DPF1: variants seen among roughly 807,000 people sequenced by gnomAD.
DPF1 encodes double PHD fingers 1.
A neutral mutation model predicts 58.7 loss-of-function variants in DPF1; 14 were observed. The ratio of observed to expected loss-of-function variants is 0.24; its 90% confidence interval spans 0.16 to 0.37. DPF1 has a LOEUF of 0.37. Ranked by LOEUF, DPF1 falls within the 10% of genes least tolerant of loss-of-function variation. The pLI, the probability that DPF1 is intolerant of heterozygous loss-of-function variation, is 1.00. For synonymous variants in DPF1, 216 were observed against 216.0 expected, an observed-to-expected ratio of 1.00 and a Z score of 0.00; for missense variants, 345 against 529.9, an observed-to-expected ratio of 0.65 and a Z score of 3.43.
At chr19:38,213,975 A>G (rs1973659461) in intron 9 of DPF1, 2 of 546,970 alleles carry the variant, frequency 3.7e-6, no homozygotes, top group Non-Finnish European at 6.6e-6. Flanking sequence ...TGGCAACCAC[A>G]CTCTGCTCCC....
At chr19:38,217,709 C>A in intron 6 of DPF1, 89 bp downstream of exon 6, 2 of 1,587,344 alleles carry the variant, frequency 1.3e-6, no homozygotes, top group Non-Finnish European at 1.7e-6. Context: ...CCTCCCAACC[C>A]GGGTCTGGAA....
chr19:38,217,758 A>C (rs2304175), intron 6 of DPF1, 40 bp downstream of exon 6: 1,110,080 of 1,611,148 alleles, frequency 0.69, 387,202 homozygotes, highest in African/African-American at 0.93. Context: ...GTCTCTGGGC[A>C]CCCCTCTCTC....
intron 3 of DPF1, 66 bp from the exon 4 acceptor site, chr19:38,219,124 A>T: frequency 6.3e-7 from 1 of 1,591,310 alleles, no homozygotes; most frequent in Non-Finnish European, 8.5e-7. Context: ...CAAACTATGC[A>T]GGTGGGGGGA....
At position 38,222,817 on chromosome 19, in the gene DPF1, C is replaced by T. The variant is rs1967604736; in HGVS notation, c.30-109G>A. The T allele has an allele frequency of 2.2e-6, 3 of 1,374,038 alleles. No homozygotes were observed. Among genetic ancestry groups the T allele is most frequent in the African/African-American group, 1.5e-5 (1 of 65,458 alleles). 85.1% of individuals were successfully genotyped at this position (1,374,038 alleles called of 1,614,324 possible). ...CCGCCCAGGCTCGGGAGGGGTGGGC[C>T]GACCCCTCCAGCCTCACCTCTCCCC... On this transcript the variant is annotated intron_variant, in intron 1 of 11. Coordinates refer to ENST00000355526, the MANE Select transcript of DPF1 (RefSeq NM_001135155.3). The surrounding 1 kb of genome is among the most constrained non-coding windows in gnomAD (Gnocchi z 4.9).
intron 7 of DPF1, 129 bp downstream of exon 7, chr19:38,217,331 G>A (rs994109418): frequency 3.1e-6 from 4 of 1,280,358 alleles, no homozygotes; most frequent in Admixed American, 2.5e-5. Flanking sequence ...CATGGTCGGT[G>A]GGGGGAGGGA....
Position 38,218,866 on chromosome 19 carries a change from C to T in DPF1, c.426+65G>A, listed in dbSNP as rs371386859. On this transcript the variant is annotated intron_variant, in intron 4 of 11. Transcript: ENST00000355526. ...GTTTCAGAGCAGGAACGTGAGGGCC[C>T]GGGCTGGTGGCAGGCAGGGGTGAGA... The T allele has an allele frequency of 6.3e-5, 101 of 1,599,582 alleles. No individual in the cohort carries two copies. The East Asian group carries it at 1.0e-3, about 16-fold the overall frequency.
At chr19:38,226,067 G>A (rs1228271684), upstream of DPF1, among the ~76,000 whole-genome samples, 2 of 152,014 alleles carry the variant, frequency 1.3e-5, no homozygotes, top group Non-Finnish European at 2.9e-5. Context: ...CTCTTTGAAG[G>A]TAAGACTGAA....
intron 7 of DPF1, 51 bp from the exon 8 acceptor site, chr19:38,216,454 C>T (rs1379648324): frequency 1.3e-5 from 20 of 1,518,186 alleles, no homozygotes; most frequent in Non-Finnish European, 1.7e-5. Flanking sequence ...CAAGGCTCCA[C>T]CCTGCCCCCA....
Position 38,218,931 on chromosome 19 carries a change from C to A in DPF1, c.426G>T (p.Gln142His). 1.2e-6 allele frequency: 2 copies of A among 1,614,066 alleles called. No homozygotes were observed. The highest frequency in any genetic ancestry group is 1.7e-6 in the Non-Finnish European group (2 of 1,179,988). ...GGGGGTCCCCCAGAGGTGGGCCCAC[C>A]TGACAGTCCATAATGGTCTCCTCCT... ...LKEEETIMDCQKQQLLEFPHD... is the reference protein window; with the variant it reads ...LKEEETIMDCHKQQLLEFPHD... Residue 142 changes from glutamine (Q) to histidine (H), a missense_variant and splice_region_variant, in exon 4 of 12, where the codon CAG (glutamine) becomes CAT (histidine). Gln to His is a conservative substitution (Grantham distance 24). Coordinates refer to ENST00000355526, the MANE Select transcript of DPF1 (RefSeq NM_001135155.3).
chr19:38,212,774 CTTTTT>C (rs11367248), intron 10 of DPF1, among the ~76,000 whole-genome samples: 3 of 81,694 alleles, frequency 3.7e-5, no homozygotes, highest in African/African-American at 6.3e-5. Flanking sequence ...CCATGCACGA[CTTTTT>C]TTTTTTTTTT....
upstream of DPF1, among the ~76,000 whole-genome samples, chr19:38,226,493 C>A (rs559207995): frequency 9.1e-4 from 124 of 135,838 alleles, 2 homozygotes; most frequent in Non-Finnish European, 3.8e-4. Context: ...CCTACACTCA[C>A]GGTCACTTCT....
chr19:38,229,476 C>G lies in DPF1; in HGVS notation c.-132+83G>C, dbSNP rs1336572405. 1 of 838,514 alleles carries G rather than the reference C, an allele frequency of 1.2e-6. No individual in the cohort carries two copies. The highest frequency in any genetic ancestry group is 1.8e-5 in the African/African-American group (1 of 55,126). The allele number at this position is 838,514 out of a possible 1,614,324, so 51.9% of individuals were successfully genotyped here. ...CAACTACGGTCCGCGCGCTGCGTCC[C>G]CCTCCTCAGCCCCAGGGCGGGCGGG... On this transcript the variant is annotated intron_variant, in intron 1 of 11. Transcript: ENST00000412732. This position sits in a 1 kb window ranked among gnomAD's most constrained non-coding sequence, Gnocchi z 5.3.
chr19:38,218,840 G>T (rs1967231947), intron 4 of DPF1, 91 bp downstream of exon 4: 1 of 1,578,130 alleles, frequency 6.3e-7, no homozygotes, highest in Non-Finnish European at 8.6e-7. Flanking sequence ...AAACCGGGGG[G>T]GTTTCAGAGC....
rs10421241 is a variant in DPF1 at position 38,218,512 on chromosome 19, G to C, written c.516+61C>G. ...GTGGCAGGGGCGGACCACTGCACCTGCTCCATGAATGAGACCTGTCATTGA... is the reference window on the plus strand; with the variant it reads ...GTGGCAGGGGCGGACCACTGCACCTCCTCCATGAATGAGACCTGTCATTGA... On this transcript the variant is annotated intron_variant, in intron 5 of 11. Transcript: ENST00000355526. 3,926 of 1,559,664 alleles carry C rather than the reference G, an allele frequency of 2.5e-3. 82 individuals carry two copies. In the African/African-American group the frequency reaches 0.046, roughly 18 times the overall value.
Position 38,222,432 on chromosome 19 carries a change from C to A in DPF1, c.223G>T (p.Ala75Ser). The A allele has an allele frequency of 6.3e-7, 1 of 1,585,880 alleles. No homozygotes were observed. Among genetic ancestry groups the A allele is most frequent in the Non-Finnish European group, 8.5e-7 (1 of 1,172,284 alleles). Residue 75 changes from alanine to serine, a missense_variant, in exon 3 of 12, where the codon GCC (alanine) becomes TCC (serine). By Grantham distance (99) the Ala-to-Ser change is moderately conservative (BLOSUM62 1). Coordinates refer to ENST00000355526, the MANE Select transcript of DPF1 (RefSeq NM_001135155.3). This position sits in a 1 kb window ranked among gnomAD's most constrained non-coding sequence, Gnocchi z 4.9. Reference protein sequence around the residue: ...LAPGQIYTYPARCWRKKRRLN... With the variant: ...LAPGQIYTYPSRCWRKKRRLN... The stretch of plus-strand genomic sequence containing the variant: ...CTCCGTTTCTTCCTCCAACAGCGGG[C>A]GGGGTACGTGTAAATCTGTCCCGGG...
chr19:38,222,348 T>C lies in DPF1; in HGVS notation c.298+9A>G. On this transcript the variant is annotated intron_variant, in intron 3 of 11. Transcript: ENST00000355526. The surrounding 1 kb of genome is among the most constrained non-coding windows in gnomAD (Gnocchi z 4.9). The stretch of plus-strand genomic sequence containing the variant: ...GGACACCGATGGGGGCCCCAGCGGC[T>C]GCACCCACCGATCTTGTACTCGCAG... The C allele has an allele frequency of 6.3e-7, 1 of 1,588,864 alleles. No individual in the cohort carries two copies.
chr19:38,217,643 G>A lies in DPF1; in HGVS notation c.596-52C>T, dbSNP rs139810469. The A allele has an allele frequency of 1.1e-4, 173 of 1,527,666 alleles. 6 individuals carry two copies. The South Asian group carries it at 1.7e-3, about 15-fold the overall frequency. The allele number at this position is 1,527,666 out of a possible 1,614,324, so 94.6% of individuals were successfully genotyped here. On this transcript the variant is annotated intron_variant, in intron 6 of 11. Transcript: ENST00000355526. ...CTGTCAGCCCCTCCGGGCCCCTGCC[G>A]CCTCCACCCTGGCCTCCAGGATCAC... is the stretch of plus-strand genomic sequence containing the variant.
chr19:38,224,622 C>T (rs1183232508), upstream of DPF1, among the ~76,000 whole-genome samples: 1 of 152,156 alleles, frequency 6.6e-6, no homozygotes, highest in African/African-American at 2.4e-5. The surrounding 1 kb of genome is among the most constrained non-coding windows in gnomAD (Gnocchi z 4.5). Context: ...AGACTTCTCA[C>T]CAACATGCTT....
At position 38,222,233 on chromosome 19, in the gene DPF1, T is replaced by C; in HGVS notation, c.298+124A>G. ...CTCTGGGAAACACCCGGGACGCACATGGGCAGACAGACACACAGCCAGCCA... is the reference window on the plus strand; with the variant it reads ...CTCTGGGAAACACCCGGGACGCACACGGGCAGACAGACACACAGCCAGCCA... On this transcript the variant is annotated intron_variant, in intron 3 of 11. Coordinates refer to ENST00000355526, the MANE Select transcript of DPF1 (RefSeq NM_001135155.3). This position sits in a 1 kb window ranked among gnomAD's most constrained non-coding sequence, Gnocchi z 4.9. 1 of 842,096 alleles carries C rather than the reference T, an allele frequency of 1.2e-6. No individual in the cohort carries two copies. The highest frequency in any genetic ancestry group is 1.8e-6 in the Non-Finnish European group (1 of 540,744). 52.2% of individuals were successfully genotyped at this position (842,096 alleles called of 1,614,324 possible). A position where few individuals can be genotyped will look rare whatever the true frequency, so the allele number is the denominator to read the frequency against.
Sources: allele counts gnomAD v4.1 joint callset (sites outside exome capture counted in the v4.1 genomes callset), GRCh38; gene constraint gnomAD v4.1.1; non-coding constraint Gnocchi (gnomAD v3.1); transcripts MANE v1.5; gene names NCBI Gene and HGNC (gene_info 2026-07-23, HGNC 2026-07-21).